The following ADARB2 variants were observed in gnomAD, a reference collection of about 807,000 sequenced individuals.
The protein encoded by ADARB2 is inactive double-stranded RNA-specific editase B2.
In ADARB2, 25 loss-of-function variants were observed where a neutral mutation model predicts 62.2. The ratio of observed to expected loss-of-function variants is 0.40; its 90% confidence interval spans 0.29 to 0.56. The LOEUF (loss-of-function observed/expected upper bound fraction) is 0.56, where lower values mean the gene tolerates loss of function less well. ADARB2 is among the 20% of genes least tolerant of loss of function. The pLI, the probability that ADARB2 is intolerant of heterozygous loss-of-function variation, is 0.43. For missense variants in ADARB2, 1,071 were observed against 1,077.4 expected (o/e 0.99, Z 0.08); for synonymous variants, 572 against 500.8 (o/e 1.14, Z -1.90).
At chr10:1,348,473 C>T (rs527760660) in intron 3 of ADARB2, among the ~76,000 whole-genome samples, 18 of 152,170 alleles carry the variant, frequency 1.2e-4, no homozygotes, top group Admixed American at 6.5e-4. Context: ...TTGCTCCCTG[C>T]GGCGTTGGCC....
intron 1 of ADARB2, among the ~76,000 whole-genome samples, chr10:1,605,139 C>G (rs1588320341): frequency 6.6e-6 from 1 of 152,236 alleles, no homozygotes; most frequent in Non-Finnish European, 1.5e-5. Context: ...TGTTTTCAAA[C>G]AGACCCTCAG....
intron 1 of ADARB2, among the ~76,000 whole-genome samples, chr10:1,387,371 T>C (rs1204140756): frequency 6.6e-6 from 1 of 151,816 alleles, no homozygotes; most frequent in African/African-American, 2.4e-5. Context: ...AGATTAATCA[T>C]GAAAAAGGAG....
At chr10:1,515,772 C>T (rs1012293136) in intron 1 of ADARB2, among the ~76,000 whole-genome samples, 10 of 152,328 alleles carry the variant, frequency 6.6e-5, no homozygotes, top group Admixed American at 3.3e-4. Flanking sequence ...GTGCAGGAAG[C>T]GGCCAGCCAC....
intron 1 of ADARB2, among the ~76,000 whole-genome samples, chr10:1,484,579 T>G (rs1280816577): frequency 6.6e-6 from 1 of 152,242 alleles, no homozygotes; most frequent in African/African-American, 2.4e-5. Context: ...GGCAACCACA[T>G]GGCGTTTATT....
chr10:1,451,507 G>C (rs868651606), intron 1 of ADARB2, among the ~76,000 whole-genome samples: 1 of 152,154 alleles, frequency 6.6e-6, no homozygotes, highest in African/African-American at 2.4e-5. Context: ...CTGCAGAGAA[G>C]GGGACACACC....
intron 1 of ADARB2, among the ~76,000 whole-genome samples, chr10:1,408,358 A>T (rs1832724475): frequency 6.6e-6 from 1 of 151,646 alleles, no homozygotes; most frequent in East Asian, 1.9e-4. Context: ...TTGTGTAGAT[A>T]CGTGCTCACA....
intron 1 of ADARB2, among the ~76,000 whole-genome samples, chr10:1,625,235 T>A (rs2132029046): frequency 6.6e-6 from 1 of 152,362 alleles, no homozygotes; most frequent in East Asian, 1.9e-4. Context: ...TCAGCTCATG[T>A]GCTGAGTCCA....
At chr10:1,482,361 T>A (rs143934299) in intron 1 of ADARB2, among the ~76,000 whole-genome samples, 28 of 152,298 alleles carry the variant, frequency 1.8e-4, no homozygotes, top group African/African-American at 6.7e-4. Context: ...TGGATATCCA[T>A]ACAATGGACT....
chr10:1,348,775 T>C (rs971195288), intron 3 of ADARB2, among the ~76,000 whole-genome samples: 1 of 152,216 alleles, frequency 6.6e-6, no homozygotes, highest in African/African-American at 2.4e-5. Context: ...GGGCTGCTGC[T>C]GAGGCCAACG....
chr10:1,365,262 G>A (rs1472842264), intron 2 of ADARB2, among the ~76,000 whole-genome samples: 1 of 152,002 alleles, frequency 6.6e-6, no homozygotes, highest in African/African-American at 2.4e-5. Flanking sequence ...TGTTACTATG[G>A]TGATTGTCTT....
intron 1 of ADARB2, among the ~76,000 whole-genome samples, chr10:1,411,875 T>A (rs141192300): frequency 3.0e-4 from 46 of 152,368 alleles, no homozygotes; most frequent in African/African-American, 9.9e-4. Flanking sequence ...CAACCAAAAT[T>A]TGAAAGACAT....
At chr10:1,407,632 T>C (rs1206069605) in intron 1 of ADARB2, among the ~76,000 whole-genome samples, 2 of 152,194 alleles carry the variant, frequency 1.3e-5, no homozygotes, top group African/African-American at 4.8e-5. Flanking sequence ...GGCATAGTCC[T>C]AGCCCAGCAC....
In ADARB2 at chr10:1,581,893, C is replaced by T. The variant is rs181001274; in HGVS notation, c.100+155158G>A. Among the ~76,000 whole-genome samples, 23 of 151,406 alleles carry T rather than the reference C, an allele frequency of 1.5e-4. No homozygotes were observed. In the East Asian group the frequency reaches 3.3e-3, roughly 22 times the overall value. On this transcript the variant is annotated intron_variant, in intron 1 of 9. Transcript: ENST00000381312. ...GTGCAGAGAGGCCAAGATCTCAGCA[C>T]GCTGCCCACACATGCTAAGTACACA...
chr10:1,567,852 G>A lies in ADARB2; in HGVS notation c.100+169199C>T, dbSNP rs530941898. On this transcript the variant is annotated intron_variant, in intron 1 of 9. Transcript: ENST00000381312. ...GAATGGATGGTTATGTGCCTCACTCGAGGCCAAGGTGTTTAGCAGCCAGAC... is the reference window on the plus strand; with the variant it reads ...GAATGGATGGTTATGTGCCTCACTCAAGGCCAAGGTGTTTAGCAGCCAGAC... Among the ~76,000 whole-genome samples the A allele has an allele frequency of 1.1e-4, 17 of 152,334 alleles. 1 individual carries two copies. Among genetic ancestry groups the A allele is most frequent in the Middle Eastern group, 3.4e-3 (1 of 294 alleles).
intron 3 of ADARB2, among the ~76,000 whole-genome samples, chr10:1,342,093 T>C (rs146099926): frequency 7.4e-4 from 112 of 152,368 alleles, no homozygotes; most frequent in African/African-American, 2.6e-3. Flanking sequence ...AATGTGTGGT[T>C]GGCTGGCAGT....
intron 3 of ADARB2, among the ~76,000 whole-genome samples, chr10:1,346,909 G>A (rs1832086147): frequency 6.6e-6 from 1 of 152,252 alleles, no homozygotes; most frequent in Non-Finnish European, 1.5e-5. Flanking sequence ...GCATGTCAAT[G>A]GGGACGTGTG....
intron 4 of ADARB2, among the ~76,000 whole-genome samples, chr10:1,244,103 A>G (rs1453026624): frequency 6.6e-6 from 1 of 152,144 alleles, no homozygotes; most frequent in Non-Finnish European, 1.5e-5. Context: ...GGGGTCCCAG[A>G]AGTTGACGAG....
At chr10:1,458,075 C>T (rs925190094) in intron 1 of ADARB2, among the ~76,000 whole-genome samples, 5 of 152,140 alleles carry the variant, frequency 3.3e-5, no homozygotes, top group Non-Finnish European at 5.9e-5. Flanking sequence ...AGGTGATGGA[C>T]ACTCATGTGA....
At chr10:1,517,784 G>A (rs142972438) in intron 1 of ADARB2, among the ~76,000 whole-genome samples, 119 of 152,194 alleles carry the variant, frequency 7.8e-4, no homozygotes, top group Middle Eastern at 3.4e-3. Context: ...TTTTGTCTTC[G>A]GTCGTATGAT....
Sources: allele counts gnomAD v4.1 joint callset (sites outside exome capture counted in the v4.1 genomes callset), GRCh38; gene constraint gnomAD v4.1.1; transcripts MANE v1.5; gene names NCBI Gene and HGNC (gene_info 2026-07-23, HGNC 2026-07-21).